The following SIPA1L2 variants were observed in gnomAD, a reference collection of about 807,000 sequenced individuals.
SIPA1L2 encodes signal-induced proliferation-associated 1-like protein 2.
A neutral mutation model predicts 163.9 loss-of-function variants in SIPA1L2; 56 were observed. The ratio of observed to expected loss-of-function variants is 0.34; its 90% CI spans 0.28 to 0.43. The LOEUF is 0.43. Among genes scored for constraint, SIPA1L2 ranks in the 20% least tolerant of loss-of-function variants. The pLI, the probability that SIPA1L2 is intolerant of heterozygous loss-of-function variation, is 1.00. For synonymous variants in SIPA1L2, 877 were observed against 865.7 expected, an observed-to-expected ratio of 1.01 and a Z score of -0.23; for missense variants, 1,974 against 2,193.5, an observed-to-expected ratio of 0.90 and a Z score of 2.00.
intron 22 of SIPA1L2, among the ~76,000 whole-genome samples, chr1:232,400,843 C>A (rs1335061053): frequency 1.3e-5 from 2 of 152,140 alleles, no homozygotes; most frequent in Non-Finnish European, 2.9e-5. Context: ...CTATACCATG[C>A]TATTGTCAAT....
chr1:232,463,821 T>C (rs1664369200), intron 9 of SIPA1L2, among the ~76,000 whole-genome samples: 1 of 152,200 alleles, frequency 6.6e-6, no homozygotes, highest in African/African-American at 2.4e-5. Flanking sequence ...CACGTATACC[T>C]GATAATACTG....
At chr1:232,435,530 G>T (rs1436021923) in intron 15 of SIPA1L2, among the ~76,000 whole-genome samples, 1 of 152,086 alleles carries the variant, frequency 6.6e-6, no homozygotes, top group Non-Finnish European at 1.5e-5. Flanking sequence ...TACTGCTGAC[G>T]TCCAGTCATT....
Position 232,399,715 on chromosome 1 carries a change from GCTATA to G in SIPA1L2, c.5023-447_5023-443del, listed in dbSNP as rs753390888. On this transcript the variant is annotated intron_variant, in intron 22 of 22. Transcript: ENST00000674635. ...GTCTTTCATTCCATCAAGCTTTCCT[GCTATA>G]CTATATTTCCATAATGACCCTTAAA... 3.3e-5 allele frequency among the ~76,000 whole-genome samples: 5 copies of G among 152,208 alleles called. No homozygotes were observed. The East Asian group carries it at 7.7e-4, about 24-fold the overall frequency.
intron 1 of SIPA1L2, among the ~76,000 whole-genome samples, chr1:232,615,175 T>C (rs922649488): frequency 6.6e-6 from 1 of 152,148 alleles, no homozygotes; most frequent in Non-Finnish European, 1.5e-5. Flanking sequence ...GTGGCCACAC[T>C]CCATCTCCTG....
intron 1 of SIPA1L2, among the ~76,000 whole-genome samples, chr1:232,587,375 G>A (rs983897243): frequency 3.9e-5 from 6 of 152,002 alleles, no homozygotes; most frequent in Non-Finnish European, 2.9e-5. Context: ...AGTTCATAAC[G>A]AGTCAAGTCT....
Position 232,439,467 on chromosome 1 carries a change from G to A in SIPA1L2, c.3672C>T (p.Ser1224=). 6.2e-7 allele frequency: 1 copy of A among 1,613,628 alleles called. No individual in the cohort carries two copies. The highest frequency in any genetic ancestry group is 8.5e-7 in the Non-Finnish European group (1 of 1,179,598). ...TGTTGCTGGAGAGCGTGTTGCTGCT[G>A]GAGTGACTGGAGCAACTTTTATCCC... is the stretch of plus-strand genomic sequence containing the variant. The part of the protein sequence containing the change: ...HIGDKSCSSH[S]SSNTLSSNTS... Residue 1224 remains serine, a synonymous_variant, in exon 15 of 23, where the codon TCC becomes TCT. Coordinates refer to ENST00000674635, the MANE Select transcript of SIPA1L2 (RefSeq NM_020808.5).
chr1:232,410,305 C>G, intron 19 of SIPA1L2, among the ~76,000 whole-genome samples: 1 of 151,992 alleles, frequency 6.6e-6, no homozygotes, highest in Non-Finnish European at 1.5e-5. Context: ...TTTTTTGGGA[C>G]AAATTGATAT....
chr1:232,436,774 T>C (rs981653119), intron 15 of SIPA1L2, among the ~76,000 whole-genome samples: 1 of 152,138 alleles, frequency 6.6e-6, no homozygotes, highest in African/African-American at 2.4e-5. Flanking sequence ...TCCCTCCTCC[T>C]CGCCTCCTGT....
chr1:232,491,579 G>C (rs1665931936), intron 4 of SIPA1L2, among the ~76,000 whole-genome samples: 1 of 152,168 alleles, frequency 6.6e-6, no homozygotes. Flanking sequence ...GGGTGATTCA[G>C]GGCTGAGAAA....
intron 9 of SIPA1L2, among the ~76,000 whole-genome samples, chr1:232,464,046 T>C (rs1182724320): frequency 1.3e-5 from 2 of 150,324 alleles, no homozygotes; most frequent in Non-Finnish European, 3.0e-5. Context: ...CTTTTCTAAT[T>C]AAAAAAAAAA....
chr1:232,442,051 A>G (rs115887983), intron 12 of SIPA1L2, among the ~76,000 whole-genome samples, 183 bp from the exon 13 acceptor site: 167 of 152,248 alleles, frequency 1.1e-3, no homozygotes, highest in Admixed American at 1.8e-3. Flanking sequence ...AGCATCTGAA[A>G]TTGTGGGATC....
intron 12 of SIPA1L2, among the ~76,000 whole-genome samples, chr1:232,443,387 A>T (rs1482812055): frequency 6.6e-6 from 1 of 152,194 alleles, no homozygotes; most frequent in Non-Finnish European, 1.5e-5. Flanking sequence ...CTCATCAAAA[A>T]GGAAAAAACA....
At chr1:232,557,179 C>T (rs952161438) in intron 2 of SIPA1L2, among the ~76,000 whole-genome samples, 1 of 152,140 alleles carries the variant, frequency 6.6e-6, no homozygotes, top group African/African-American at 2.4e-5. Flanking sequence ...TCATTGCTAT[C>T]ACAAATTCAG....
intron 16 of SIPA1L2, among the ~76,000 whole-genome samples, chr1:232,429,799 C>A (rs1662120301): frequency 6.6e-6 from 1 of 152,180 alleles, no homozygotes; most frequent in Non-Finnish European, 1.5e-5. Context: ...AAGAAGCGCC[C>A]AACATTCGAT....
intron 3 of SIPA1L2, among the ~76,000 whole-genome samples, chr1:232,495,435 G>A (rs955550655): frequency 2.6e-5 from 4 of 151,898 alleles, no homozygotes; most frequent in East Asian, 1.9e-4. Flanking sequence ...TGTGGTGGCA[G>A]GTGCCTATAG....
chr1:232,492,401 C>T (rs985345756), intron 4 of SIPA1L2, among the ~76,000 whole-genome samples: 4 of 152,042 alleles, frequency 2.6e-5, no homozygotes, highest in African/African-American at 9.7e-5. Flanking sequence ...AGGGCCTATT[C>T]ACAGGTGTAA....
chr1:232,422,180 A>G (rs1661614546), intron 18 of SIPA1L2, among the ~76,000 whole-genome samples: 1 of 152,236 alleles, frequency 6.6e-6, no homozygotes, highest in South Asian at 2.1e-4. Flanking sequence ...CAAAGGTCCT[A>G]AAGGCAAGGC....
At chr1:232,587,947 T>A (rs1486036871) in intron 1 of SIPA1L2, among the ~76,000 whole-genome samples, 1 of 152,216 alleles carries the variant, frequency 6.6e-6, no homozygotes. Context: ...TCCACCATGA[T>A]TGTGAGGCCT....
chr1:232,489,660 T>C (rs1572974739), intron 5 of SIPA1L2, among the ~76,000 whole-genome samples: 1 of 152,348 alleles, frequency 6.6e-6, no homozygotes, highest in Non-Finnish European at 1.5e-5. Context: ...GTGCCAAATA[T>C]TCAACTTTAA....
Sources: allele counts gnomAD v4.1 joint callset (sites outside exome capture counted in the v4.1 genomes callset), GRCh38; gene constraint gnomAD v4.1.1; transcripts MANE v1.5; gene names NCBI Gene and HGNC (gene_info 2026-07-23, HGNC 2026-07-21).